Variants in RALGAPA1 observed in about 807,000 individuals in gnomAD.
RALGAPA1 encodes Ral GTPase activating protein catalytic subunit alpha 1, also known as ral GTPase-activating protein subunit alpha-1.
A neutral mutation model predicts 269.6 loss-of-function variants in RALGAPA1; 52 were observed. The observed-to-expected ratio is 0.19, with a 90% CI of 0.15 to 0.24. The LOEUF is 0.24. RALGAPA1 is among the 10% of genes least tolerant of loss of function. The pLI is 1.00. For missense variants in RALGAPA1, 1,917 were observed against 3,013.9 expected (o/e 0.64, Z 8.52); for synonymous variants, 817 against 1,008.3 (o/e 0.81, Z 3.60).
At chr14:35,763,281 C>G (rs1323855991) in intron 4 of RALGAPA1, among the ~76,000 whole-genome samples, 1 of 151,916 alleles carries the variant, frequency 6.6e-6, no homozygotes, top group Non-Finnish European at 1.5e-5. Context: ...GACCACCACT[C>G]AGTATGAATA....
chr14:35,559,645 C>T (rs904822519), intron 39 of RALGAPA1, among the ~76,000 whole-genome samples: 2 of 152,206 alleles, frequency 1.3e-5, no homozygotes, highest in African/African-American at 4.8e-5. Context: ...TATGACCCAA[C>T]TGTCCAGATT....
intron 39 of RALGAPA1, among the ~76,000 whole-genome samples, chr14:35,567,871 C>T (rs1382634696): frequency 6.6e-6 from 1 of 152,126 alleles, no homozygotes; most frequent in Non-Finnish European, 1.5e-5. Flanking sequence ...TTTATTTACA[C>T]AAGAAAGTAC....
At chr14:35,596,330 A>G (rs2058929691) in intron 36 of RALGAPA1, among the ~76,000 whole-genome samples, 1 of 152,100 alleles carries the variant, frequency 6.6e-6, no homozygotes, top group Admixed American at 6.6e-5. Context: ...TTATTTTCTG[A>G]TTATAAATAT....
chr14:35,742,522 A>G lies in RALGAPA1; in HGVS notation c.1295T>C (p.Val432Ala). The stretch of plus-strand genomic sequence containing the variant: ...GATCCATTCTTGATATACTTTTACC[A>G]CTTTTCTCATAGCTGCTGCTTCACA... ...PICEAAAMRKVVKVYQEWIQQ... is the reference protein window; with the variant it reads ...PICEAAAMRKAVKVYQEWIQQ... Residue 432 changes from valine (V) to alanine (A), a missense_variant, in exon 11 of 42, where the codon GTG becomes GCG. Physicochemically the swap from Val to Ala is moderately conservative, Grantham distance 64 (BLOSUM62 0). Around this residue, in one of 11 missense-constraint regions of RALGAPA1, gnomAD observed 462 missense variants for 725.6 expected, o/e 0.64. Coordinates refer to ENST00000680220, the MANE Select transcript of RALGAPA1 (RefSeq NM_001346249.2). 5.0e-6 allele frequency: 8 copies of G among 1,609,020 alleles called. No homozygotes were observed. Among genetic ancestry groups the G allele is most frequent in the Non-Finnish European group, 6.8e-6 (8 of 1,176,420 alleles).
intron 6 of RALGAPA1, among the ~76,000 whole-genome samples, chr14:35,759,364 C>A (rs2073484205): frequency 6.6e-6 from 1 of 151,928 alleles, no homozygotes; most frequent in African/African-American, 2.4e-5. Context: ...AAAACCTAAC[C>A]CCCAGTGTGG....
intron 21 of RALGAPA1, among the ~76,000 whole-genome samples, chr14:35,682,136 C>A (rs1437168318): frequency 6.6e-6 from 1 of 152,124 alleles, no homozygotes; most frequent in African/African-American, 2.4e-5. Context: ...GTACAACTGT[C>A]CAAGGAAAAT....
In RALGAPA1 at chr14:35,689,740, T is replaced by C; in HGVS notation, c.2671A>G (p.Ile891Val). Residue 891 changes from isoleucine (I) to valine (V), a missense_variant, in exon 18 of 42, where the codon ATC (isoleucine) becomes GTC (valine). This residue lies in a region of RALGAPA1 where 615 missense variants were observed against 790.0 expected (regional missense o/e 0.78). Transcript: ENST00000680220. Reference protein sequence around the residue: ...SSITRSTESHITDTHSRESSL... With the variant: ...SSITRSTESHVTDTHSRESSL... ...GACTCTCTACTATGAGTATCAGTGATGTGGCTTTCAGTGGATCTAGTTATT... is the reference window on the plus strand; with the variant it reads ...GACTCTCTACTATGAGTATCAGTGACGTGGCTTTCAGTGGATCTAGTTATT... 6.7e-7 allele frequency: 1 copy of C among 1,485,056 alleles called. No homozygotes were observed. The highest frequency in any genetic ancestry group is 1.5e-5 in the African/African-American group (1 of 68,320). 92.0% of individuals were successfully genotyped at this position (1,485,056 alleles called of 1,614,324 possible). A position where few individuals can be genotyped will look rare whatever the true frequency, so the allele number is the denominator to read the frequency against.
chr14:35,730,006 T>C (rs1289199206), intron 12 of RALGAPA1, among the ~76,000 whole-genome samples: 1 of 151,974 alleles, frequency 6.6e-6, no homozygotes, highest in Non-Finnish European at 1.5e-5. Context: ...CCCACAGACC[T>C]CTGAAGGAAG....
At chr14:35,566,018 C>T (rs922155371) in intron 39 of RALGAPA1, among the ~76,000 whole-genome samples, 1 of 152,022 alleles carries the variant, frequency 6.6e-6, no homozygotes, top group Admixed American at 6.6e-5. Context: ...AGCTGAAATA[C>T]CTCTCTGGTC....
At chr14:35,542,817 C>A (rs796417050) in intron 41 of RALGAPA1, among the ~76,000 whole-genome samples, 1 of 152,260 alleles carries the variant, frequency 6.6e-6, no homozygotes, top group African/African-American at 2.4e-5. Context: ...ACTGTGTAAT[C>A]TGATGGGATA....
intron 31 of RALGAPA1, among the ~76,000 whole-genome samples, chr14:35,649,770 A>G (rs2062690098): frequency 6.6e-6 from 1 of 151,898 alleles, no homozygotes; most frequent in Admixed American, 6.6e-5. Flanking sequence ...TATACTATTT[A>G]TTATATTGTG....
At chr14:35,777,644 C>T (rs2075134132) in intron 1 of RALGAPA1, among the ~76,000 whole-genome samples, 1 of 152,284 alleles carries the variant, frequency 6.6e-6, no homozygotes, top group East Asian at 1.9e-4. Context: ...CTCCCTGCAA[C>T]CTCCACCTCC....
chr14:35,608,471 A>G (rs78041608), intron 35 of RALGAPA1, among the ~76,000 whole-genome samples: 1 of 152,188 alleles, frequency 6.6e-6, no homozygotes, highest in African/African-American at 2.4e-5. Context: ...CCAACAATAT[A>G]TTTTTGGATT....
At chr14:35,705,319 C>A (rs1044699583) in intron 16 of RALGAPA1, among the ~76,000 whole-genome samples, 1 of 152,092 alleles carries the variant, frequency 6.6e-6, no homozygotes, top group African/African-American at 2.4e-5. Flanking sequence ...TCTACCTATT[C>A]ATCCCTTCTT....
At chr14:35,615,782 T>C (rs1203574420) in intron 35 of RALGAPA1, among the ~76,000 whole-genome samples, 1 of 151,894 alleles carries the variant, frequency 6.6e-6, no homozygotes, top group Non-Finnish European at 1.5e-5. Context: ...AGCCAAGAAA[T>C]AAAAAAGCAT....
At chr14:35,782,587 C>T (rs1250942573) in intron 1 of RALGAPA1, among the ~76,000 whole-genome samples, 1 of 152,056 alleles carries the variant, frequency 6.6e-6, no homozygotes, top group Non-Finnish European at 1.5e-5. Flanking sequence ...GCATGTGCCA[C>T]CACACCCAGC....
At chr14:35,566,310 A>G (rs1029591620) in intron 39 of RALGAPA1, among the ~76,000 whole-genome samples, 10 of 152,152 alleles carry the variant, frequency 6.6e-5, no homozygotes, top group African/African-American at 2.4e-4. Flanking sequence ...AGCATATGAC[A>G]ATCAATACTG....
intron 30 of RALGAPA1, 44 bp from the exon 31 acceptor site, chr14:35,651,917 A>C: frequency 6.8e-7 from 1 of 1,474,356 alleles, no homozygotes; most frequent in Non-Finnish European, 9.2e-7. Context: ...ATATATGTCA[A>C]ATTAATGGTA....
chr14:35,755,690 A>T (rs1441028485), intron 7 of RALGAPA1, among the ~76,000 whole-genome samples: 1 of 152,192 alleles, frequency 6.6e-6, no homozygotes, highest in African/African-American at 2.4e-5. Context: ...ATACACCAAA[A>T]TGGTATTATT....
Sources: allele counts gnomAD v4.1 joint callset (sites outside exome capture counted in the v4.1 genomes callset), GRCh38; gene constraint gnomAD v4.1.1; regional missense constraint gnomAD v4.1.1; transcripts MANE v1.5; gene names NCBI Gene and HGNC (gene_info 2026-07-23, HGNC 2026-07-21).